The following ALG12 variants were observed in gnomAD, a reference collection of about 807,000 sequenced individuals.
The protein encoded by ALG12 is dol-P-Man:Man(7)GlcNAc(2)-PP-Dol alpha-1,6-mannosyltransferase.
In ALG12, 36 loss-of-function variants were observed where a neutral mutation model predicts 46.0. The observed-to-expected ratio is 0.78, with a 90% CI of 0.60 to 1.03. The LOEUF (loss-of-function observed/expected upper bound fraction) is 1.03. Ranked by LOEUF, ALG12 falls within the 50% of genes least tolerant of loss-of-function variation. The probability of loss-of-function intolerance (pLI) is 0.00; values close to 1 mark genes in which losing one functional copy is unlikely to be tolerated. For synonymous variants in ALG12, 326 were observed against 291.6 expected, an observed-to-expected ratio of 1.12 and a Z score of -1.20; for missense variants, 599 against 633.5, an observed-to-expected ratio of 0.95 and a Z score of 0.58.
the ALG12 span, chr22:49,884,403 A>G: frequency 6.2e-7 from 1 of 1,613,288 alleles, no homozygotes. Flanking sequence ...AGTGCGGCAG[A>G]GAAGAAGCCC....
Position 49,904,435 on chromosome 22 carries a change from T to C in ALG12, c.1064A>G (p.Asn355Ser), listed in dbSNP as rs1339789418. ...CAGGGCCGTGGCTGAGTAGGCGGCATTCACCACGAGGTGTCCGATCACAAG... is the reference window on the plus strand; with the variant it reads ...CAGGGCCGTGGCTGAGTAGGCGGCACTCACCACGAGGTGTCCGATCACAAG... Reference protein sequence around the residue: ...SLLVIGHLVVNAAYSATALYV... With the variant: ...SLLVIGHLVVSAAYSATALYV... The change falls in exon 8 of 10, where the codon AAT becomes AGT. Residue 355 changes from asparagine (N) to serine (S), a missense_variant. Asn to Ser is a conservative substitution (Grantham distance 46). Transcript: ENST00000330817. 1.2e-6 allele frequency: 2 copies of C among 1,614,048 alleles called. No individual in the cohort carries two copies. Among genetic ancestry groups the C allele is most frequent in the African/African-American group, 2.7e-5 (2 of 74,900 alleles).
chr22:49,883,789 A>T, the ALG12 span: 1 of 1,613,602 alleles, frequency 6.2e-7, no homozygotes, highest in Non-Finnish European at 8.5e-7. Flanking sequence ...AATGGACTTT[A>T]AAAGCGAGCA....
chr22:49,880,021 G>A, the ALG12 span, among the ~76,000 whole-genome samples: 3 of 151,820 alleles, frequency 2.0e-5, no homozygotes, highest in Admixed American at 2.0e-4. Context: ...CAGCCATTTT[G>A]TATTTTACTT....
the ALG12 span, chr22:49,885,209 T>C: frequency 1.2e-6 from 2 of 1,613,730 alleles, no homozygotes; most frequent in Non-Finnish European, 1.7e-6. Flanking sequence ...AAGGGCTTCC[T>C]GGGTGCAAGT....
At chr22:49,890,597 T>C in the ALG12 span, among the ~76,000 whole-genome samples, 18 of 152,196 alleles carry the variant, frequency 1.2e-4, no homozygotes, top group Non-Finnish European at 2.6e-4. Flanking sequence ...TCTTGAAGAA[T>C]TGCCCTTATT....
At chr22:49,910,394 C>T (rs980344740) in intron 4 of ALG12, 40 bp downstream of exon 4, 14 of 1,603,508 alleles carry the variant, frequency 8.7e-6, no homozygotes, top group East Asian at 2.3e-5. Flanking sequence ...AGCCCCTGCC[C>T]GGCACCATGG....
At chr22:49,873,737 G>T in the ALG12 span, among the ~76,000 whole-genome samples, 134 of 152,340 alleles carry the variant, frequency 8.8e-4, no homozygotes, top group African/African-American at 3.1e-3. Context: ...CCCCCACCCT[G>T]CAGCCCCAAG....
the ALG12 span, among the ~76,000 whole-genome samples, chr22:49,890,784 A>C: frequency 6.6e-6 from 1 of 152,186 alleles, no homozygotes; most frequent in East Asian, 1.9e-4. Context: ...TGGGAGGCTG[A>C]GGTGGGCAGA....
intron 3 of ALG12, among the ~76,000 whole-genome samples, chr22:49,911,685 C>T (rs1006439070): frequency 2.6e-5 from 4 of 152,164 alleles, no homozygotes; most frequent in African/African-American, 7.2e-5. Flanking sequence ...CCCCCCGCCT[C>T]GGCCTCCCAA....
the ALG12 span, among the ~76,000 whole-genome samples, chr22:49,865,315 A>C: frequency 6.6e-6 from 1 of 151,972 alleles, no homozygotes; most frequent in Non-Finnish European, 1.5e-5. Flanking sequence ...CTCTTTGCCG[A>C]GTGAGGTGTT....
At position 49,905,672 on chromosome 22, in the gene ALG12, A is replaced by G. The variant is rs1276423178; in HGVS notation, c.993-1166T>C. Reference sequence around the variant, plus strand: ...TTTTCCCAGGCCAGCCTGGAAGCTGAGCAGACACCAGTACCACGCTTCCCG... The same window carrying G: ...TTTTCCCAGGCCAGCCTGGAAGCTGGGCAGACACCAGTACCACGCTTCCCG... On this transcript the variant is annotated intron_variant, in intron 7 of 9. Transcript: ENST00000330817. The surrounding 1 kb of genome is among the most constrained non-coding windows in gnomAD (Gnocchi z 4.9). Among the ~76,000 whole-genome samples, 2 of 152,204 alleles carry G rather than the reference A, an allele frequency of 1.3e-5. No homozygotes were observed. Among genetic ancestry groups the G allele is most frequent in the African/African-American group, 4.8e-5 (2 of 41,450 alleles).
rs142815771 is a variant in ALG12 at position 49,903,878 on chromosome 22, G to C, written c.1427C>G (p.Thr476Arg). The C allele has an allele frequency of 1.7e-5, 27 of 1,614,124 alleles. No individual in the cohort carries two copies. The highest frequency in any genetic ancestry group is 2.2e-5 in the Non-Finnish European group (26 of 1,180,040). Residue 476 changes from threonine to arginine, a missense_variant, in exon 10 of 10, where the codon ACA becomes AGA. By Grantham distance (71) the Thr-to-Arg change is moderately conservative. Transcript: ENST00000330817. ...GAGCCTCTCCAGAAGCACCAGCTTT[G>C]TCTGCAGGTGGACGTTGAAGGGGGG... ...QLPPFNVHLQ[T>R]KLVLLERLPR...
At chr22:49,917,783 G>A (rs745805398) in intron 1 of ALG12, among the ~76,000 whole-genome samples, 6 of 150,312 alleles carry the variant, frequency 4.0e-5, no homozygotes, top group Admixed American at 1.3e-4. Context: ...TCCAGACGCT[G>A]CACGTTTTAT....
chr22:49,883,493 C>T, the ALG12 span: 2 of 923,234 alleles, frequency 2.2e-6, no homozygotes, highest in African/African-American at 1.7e-5. Context: ...GACCATGAGT[C>T]ACAGATTCTT....
downstream of ALG12, among the ~76,000 whole-genome samples, chr22:49,899,209 A>T (rs764502885): frequency 6.6e-6 from 1 of 152,184 alleles, no homozygotes; most frequent in African/African-American, 2.4e-5. Context: ...ACAGTGGTTC[A>T]CACCTGTAGT....
the ALG12 span, among the ~76,000 whole-genome samples, chr22:49,871,534 C>T: frequency 6.6e-6 from 1 of 151,912 alleles, no homozygotes. Flanking sequence ...GGTAAGCGTG[C>T]AATAGCATGA....
chr22:49,885,669 C>T, the ALG12 span: 34 of 1,612,642 alleles, frequency 2.1e-5, no homozygotes, highest in East Asian at 8.9e-5. Flanking sequence ...TTGCACTTGA[C>T]CTCCAGCCAT....
the ALG12 span, among the ~76,000 whole-genome samples, chr22:49,871,704 A>T: frequency 3.3e-5 from 5 of 151,914 alleles, no homozygotes; most frequent in South Asian, 1.0e-3. Flanking sequence ...CTGACCAATC[A>T]GAGTGCAGAT....
the ALG12 span, among the ~76,000 whole-genome samples, chr22:49,862,270 CTCTG>C: frequency 1.1e-3 from 171 of 152,264 alleles, no homozygotes; most frequent in African/African-American, 3.9e-3. Flanking sequence ...AAGGTGGTTT[CTCTG>C]TCTTTCTTAT....
Sources: allele counts gnomAD v4.1 joint callset (sites outside exome capture counted in the v4.1 genomes callset), GRCh38; gene constraint gnomAD v4.1.1; non-coding constraint Gnocchi (gnomAD v3.1); transcripts MANE v1.5; gene names NCBI Gene and HGNC (gene_info 2026-07-23, HGNC 2026-07-21).